The following RBFOX1 variants were observed in gnomAD, a reference collection of about 807,000 sequenced individuals.
RBFOX1 encodes RNA binding fox-1 homolog 1, also known as RNA binding protein fox-1 homolog 1.
In RBFOX1, 8 loss-of-function variants were observed where a neutral mutation model predicts 57.7. The ratio of observed to expected loss-of-function variants is 0.14; its 90% CI spans 0.08 to 0.25. RBFOX1 has a LOEUF of 0.25. Among genes scored for constraint, RBFOX1 ranks in the 10% least tolerant of loss-of-function variants. RBFOX1 has a pLI of 1.00. For missense variants in RBFOX1, 611 were observed against 548.5 expected, an observed-to-expected ratio of 1.11 and a Z score of -1.14; for synonymous variants, 326 against 222.4, an observed-to-expected ratio of 1.47 and a Z score of -4.15.
chr16:6,922,809 A>T (rs1250325242), intron 3 of RBFOX1, among the ~76,000 whole-genome samples: 1 of 152,130 alleles, frequency 6.6e-6, no homozygotes, highest in African/African-American at 2.4e-5. Flanking sequence ...CGTTCATCAC[A>T]GGTGGGATTG....
At chr16:5,800,466 C>G (rs2055020993) in intron 3 of RBFOX1, among the ~76,000 whole-genome samples, 1 of 152,248 alleles carries the variant, frequency 6.6e-6, no homozygotes, top group South Asian at 2.1e-4. Context: ...CGCCCTTGAG[C>G]TTAGGCCAGG....
chr16:5,714,165 G>C (rs1380373747), intron 3 of RBFOX1, among the ~76,000 whole-genome samples: 1 of 152,206 alleles, frequency 6.6e-6, no homozygotes, highest in African/African-American at 2.4e-5. Context: ...ACCTTGCAGT[G>C]ATAGCCTCAT....
chr16:5,898,355 C>T (rs1009624389), intron 4 of RBFOX1, among the ~76,000 whole-genome samples: 1 of 152,120 alleles, frequency 6.6e-6, no homozygotes, highest in Non-Finnish European at 1.5e-5. Context: ...AAGATCTTAA[C>T]TCTTCTACCT....
chr16:6,582,024 C>T (rs1024162123), intron 2 of RBFOX1, among the ~76,000 whole-genome samples: 2 of 152,156 alleles, frequency 1.3e-5, no homozygotes, highest in African/African-American at 4.8e-5. Flanking sequence ...TGGGAAAAGC[C>T]AGGGGTGCTG....
At chr16:5,849,400 G>C (rs2056835888) in intron 3 of RBFOX1, among the ~76,000 whole-genome samples, 1 of 151,980 alleles carries the variant, frequency 6.6e-6, no homozygotes, top group Admixed American at 6.6e-5. Flanking sequence ...GAAAGGGAGG[G>C]GGATGTGTCT....
chr16:6,646,907 T>C (rs1414990539), intron 2 of RBFOX1, among the ~76,000 whole-genome samples: 1 of 152,166 alleles, frequency 6.6e-6, no homozygotes, highest in East Asian at 1.9e-4. Context: ...AAAAGGAAGA[T>C]ACCGCGTGTA....
chr16:7,121,824 G>A (rs761088380), intron 4 of RBFOX1, among the ~76,000 whole-genome samples: 19 of 151,956 alleles, frequency 1.3e-4, no homozygotes, highest in Non-Finnish European at 1.8e-4. Flanking sequence ...ACCAGTAAAG[G>A]AGAAGACACA....
At position 6,341,790 on chromosome 16, in the gene RBFOX1, G is replaced by C. The variant is rs866308268; in HGVS notation, c.-64+24733G>C. On this transcript the variant is annotated intron_variant, in intron 2 of 15. Transcript: ENST00000550418. ...TTCTAAATAAACTTGCTTTTGGTTTGCATTGTGGGCTCTCCCTGAATTCTT... is the reference window on the plus strand; with the variant it reads ...TTCTAAATAAACTTGCTTTTGGTTTCCATTGTGGGCTCTCCCTGAATTCTT... Among the ~76,000 whole-genome samples the C allele has an allele frequency of 2.6e-5, 4 of 152,168 alleles. No homozygotes were observed. The South Asian group carries it at 8.3e-4, about 32-fold the overall frequency.
At chr16:5,477,548 A>T (rs2069372971) in intron 2 of RBFOX1, among the ~76,000 whole-genome samples, 1 of 152,192 alleles carries the variant, frequency 6.6e-6, no homozygotes, top group Non-Finnish European at 1.5e-5. Flanking sequence ...TGTTTCTCTT[A>T]ATCTACAAGA....
chr16:5,851,936 C>A (rs1012624301), intron 3 of RBFOX1, among the ~76,000 whole-genome samples: 2 of 152,124 alleles, frequency 1.3e-5, no homozygotes, highest in Non-Finnish European at 2.9e-5. Context: ...TCATTAGAGG[C>A]ACCCGAATTA....
At chr16:6,978,841 C>T (rs1293253147) in intron 3 of RBFOX1, among the ~76,000 whole-genome samples, 2 of 152,144 alleles carry the variant, frequency 1.3e-5, no homozygotes, top group African/African-American at 4.8e-5. Context: ...CCTTCAATCC[C>T]CTTCGCGCAG....
At chr16:7,497,622 A>G (rs951221315) in intron 4 of RBFOX1, among the ~76,000 whole-genome samples, 6 of 152,252 alleles carry the variant, frequency 3.9e-5, no homozygotes, top group African/African-American at 1.4e-4. Flanking sequence ...TGGGGACCAG[A>G]CACAGTGGAT....
intron 4 of RBFOX1, among the ~76,000 whole-genome samples, chr16:7,451,062 G>T (rs2150202976): frequency 6.6e-6 from 1 of 152,266 alleles, no homozygotes; most frequent in African/African-American, 2.4e-5. Context: ...GTCCCTGAGT[G>T]ACAAGGAGGA....
At chr16:5,799,909 A>G (rs2055004521) in intron 3 of RBFOX1, among the ~76,000 whole-genome samples, 1 of 152,086 alleles carries the variant, frequency 6.6e-6, no homozygotes, top group Non-Finnish European at 1.5e-5. Flanking sequence ...AAGTGGGAGA[A>G]TGTTGCTATA....
At chr16:5,984,650 T>A (rs1370112407) in intron 4 of RBFOX1, among the ~76,000 whole-genome samples, 2 of 152,092 alleles carry the variant, frequency 1.3e-5, no homozygotes, top group African/African-American at 4.8e-5. Context: ...CAGGCATAGC[T>A]CTCTTAACAA....
chr16:5,343,268 C>T (rs2065069669), intron 1 of RBFOX1, among the ~76,000 whole-genome samples: 1 of 143,380 alleles, frequency 7.0e-6, no homozygotes, highest in African/African-American at 2.5e-5. Context: ...AAAGTCATTA[C>T]ATTTCCTTTA....
At chr16:5,405,609 ACAAAT>A (rs2066843682) in intron 1 of RBFOX1, among the ~76,000 whole-genome samples, 2 of 152,324 alleles carry the variant, frequency 1.3e-5, no homozygotes, top group African/African-American at 4.8e-5. Flanking sequence ...GATGCTAAAA[ACAAAT>A]GTGAAAAAAT....
At chr16:5,243,075 C>G (rs1474456329) in intron 1 of RBFOX1, among the ~76,000 whole-genome samples, 1 of 151,962 alleles carries the variant, frequency 6.6e-6, no homozygotes, top group African/African-American at 2.4e-5. Context: ...AACACCCACC[C>G]CATTGAGAAG....
intron 2 of RBFOX1, among the ~76,000 whole-genome samples, chr16:5,495,211 A>G (rs187580930): frequency 2.3e-3 from 356 of 152,340 alleles, no homozygotes; most frequent in Middle Eastern, 6.8e-3. Context: ...AGTTGGAAAT[A>G]GAAAGAATTA....
Sources: allele counts gnomAD v4.1 joint callset (sites outside exome capture counted in the v4.1 genomes callset), GRCh38; gene constraint gnomAD v4.1.1; transcripts MANE v1.5; gene names NCBI Gene and HGNC (gene_info 2026-07-23, HGNC 2026-07-21).